IGSF5: variants seen among roughly 807,000 people sequenced by gnomAD.
The protein encoded by IGSF5 is immunoglobulin superfamily member 5, also known as immunoglobulin superfamily 5 like.
A neutral mutation model predicts 39.4 loss-of-function variants in IGSF5; 41 were observed. The ratio of observed to expected loss-of-function variants is 1.04; its 90% confidence interval spans 0.81 to 1.35. The LOEUF is 1.35. Ranked by LOEUF, IGSF5 falls within the 40% of genes most tolerant of loss-of-function variation. The pLI is 0.00. For missense variants in IGSF5, 487 were observed against 494.6 expected (o/e 0.98, Z 0.15); for synonymous variants, 183 against 175.3 (o/e 1.04, Z -0.34).
the IGSF5 span, among the ~76,000 whole-genome samples, chr21:39,718,042 A>G: frequency 6.6e-6 from 1 of 150,864 alleles, no homozygotes; most frequent in Non-Finnish European, 1.5e-5. Context: ...TATAATTCTC[A>G]TTGTAGAGAT....
In IGSF5 at chr21:39,765,682, C is replaced by T. The variant is rs2080083546; in HGVS notation, c.248C>T (p.Pro83Leu). 1 of 1,614,086 alleles carries T rather than the reference C, an allele frequency of 6.2e-7. No individual in the cohort carries two copies. The highest frequency in any genetic ancestry group is 1.1e-5 in the South Asian group (1 of 91,062). The change falls in exon 3 of 9, where the codon CCC becomes CTC. Residue 83 changes from proline (P) to leucine (L), a missense_variant. By Grantham distance (98) the Pro-to-Leu change is moderately conservative. Transcript: ENST00000380588. Reference protein sequence around the residue: ...LSDMVVLSVRPMEPIITNDRF... With the variant: ...LSDMVVLSVRLMEPIITNDRF... ...GACATGGTGGTGCTAAGCGTCAGGC[C>T]CATGGAGCCCATCATCACCAATGAC...
chr21:39,766,948 T>A (rs1315715145), intron 3 of IGSF5, among the ~76,000 whole-genome samples: 1 of 152,232 alleles, frequency 6.6e-6, no homozygotes, highest in Non-Finnish European at 1.5e-5. Flanking sequence ...CATGTCTACC[T>A]ATTTCTATTT....
the IGSF5 span, among the ~76,000 whole-genome samples, chr21:39,720,293 T>C: frequency 6.6e-6 from 1 of 152,166 alleles, no homozygotes; most frequent in Admixed American, 6.5e-5. Context: ...CAGGCAGTAA[T>C]GTGAGCAATG....
intron 4 of IGSF5, among the ~76,000 whole-genome samples, chr21:39,774,781 A>G (rs527743168): frequency 6.6e-6 from 1 of 152,344 alleles, no homozygotes; most frequent in African/African-American, 2.4e-5. Context: ...TGTGGAATGT[A>G]GTGATTCCTG....
the IGSF5 span, among the ~76,000 whole-genome samples, chr21:39,728,779 C>G: frequency 6.6e-6 from 1 of 151,988 alleles, no homozygotes. Flanking sequence ...TTTGGTGATA[C>G]AGTTAATCAT....
intron 5 of IGSF5, among the ~76,000 whole-genome samples, chr21:39,787,721 T>G (rs1008691743): frequency 3.5e-4 from 53 of 152,134 alleles, no homozygotes; most frequent in Non-Finnish European, 7.6e-4. Flanking sequence ...TTTTGAGTTA[T>G]TATAACAGTT....
intron 3 of IGSF5, among the ~76,000 whole-genome samples, chr21:39,770,686 G>T (rs1360599929): frequency 1.3e-5 from 2 of 151,800 alleles, no homozygotes; most frequent in Non-Finnish European, 2.9e-5. Flanking sequence ...TTGCTTTCTT[G>T]TGAGCAACCT....
At chr21:39,767,547 T>C (rs962751022) in intron 3 of IGSF5, among the ~76,000 whole-genome samples, 19 of 152,182 alleles carry the variant, frequency 1.2e-4, no homozygotes, top group Non-Finnish European at 2.4e-4. Context: ...TAGGTCTATG[T>C]AAAGCCTTTA....
chr21:39,720,565 A>T, the IGSF5 span, among the ~76,000 whole-genome samples: 1 of 152,204 alleles, frequency 6.6e-6, no homozygotes, highest in Non-Finnish European at 1.5e-5. Flanking sequence ...TACTGCTCAT[A>T]ACTGTCCTAG....
upstream of IGSF5, among the ~76,000 whole-genome samples, chr21:39,743,044 C>T (rs2079954774): frequency 6.6e-6 from 1 of 152,190 alleles, no homozygotes; most frequent in Admixed American, 6.5e-5. Context: ...GGATTTTCTT[C>T]CTTTCCCTAT....
chr21:39,713,752 G>A, the IGSF5 span, among the ~76,000 whole-genome samples: 1,883 of 152,304 alleles, frequency 0.012, 44 homozygotes, highest in African/African-American at 0.043. Flanking sequence ...AAAGGTGGGA[G>A]GTGTAAGGTG....
the IGSF5 span, among the ~76,000 whole-genome samples, chr21:39,735,725 A>G: frequency 6.6e-6 from 1 of 152,234 alleles, no homozygotes; most frequent in Non-Finnish European, 1.5e-5. Context: ...ATATGCCATC[A>G]TGGACGCTGA....
chr21:39,778,482 T>G (rs8134743), intron 4 of IGSF5, among the ~76,000 whole-genome samples: 151,340 of 152,246 alleles, frequency 0.99, 75,219 homozygotes, highest in Middle Eastern at 1. Flanking sequence ...AAAATAAGAG[T>G]GCAACATACA....
chr21:39,713,859 A>G, the IGSF5 span, among the ~76,000 whole-genome samples: 2 of 152,174 alleles, frequency 1.3e-5, no homozygotes, highest in Non-Finnish European at 2.9e-5. Flanking sequence ...CCTGATCTTC[A>G]TAGGGTTTCT....
upstream of IGSF5, among the ~76,000 whole-genome samples, chr21:39,741,101 CTTTG>C (rs1238190190): frequency 2.7e-5 from 4 of 149,834 alleles, no homozygotes; most frequent in Admixed American, 6.6e-5. Flanking sequence ...TTTTTTTTTT[CTTTG>C]TTTGTTTGTT....
At chr21:39,748,706 C>T (rs530396133) in intron 2 of IGSF5, among the ~76,000 whole-genome samples, 8 of 152,258 alleles carry the variant, frequency 5.3e-5, no homozygotes, top group African/African-American at 1.4e-4. Context: ...TTCGGGGGAA[C>T]ACAATTCCGT....
At chr21:39,739,199 G>A in the IGSF5 span, among the ~76,000 whole-genome samples, 1 of 151,542 alleles carries the variant, frequency 6.6e-6, no homozygotes, top group Non-Finnish European at 1.5e-5. Flanking sequence ...CAAAGTGCTG[G>A]GATTACAGTC....
At chr21:39,786,634 T>A (rs1362014238) in intron 5 of IGSF5, among the ~76,000 whole-genome samples, 1 of 150,962 alleles carries the variant, frequency 6.6e-6, no homozygotes, top group Non-Finnish European at 1.5e-5. Context: ...CTATAAATCA[T>A]GCTGCTATAA....
chr21:39,783,589 A>G (rs2080182509), intron 5 of IGSF5, among the ~76,000 whole-genome samples: 1 of 152,036 alleles, frequency 6.6e-6, no homozygotes, highest in African/African-American at 2.4e-5. Flanking sequence ...TGCTGTCGAG[A>G]TGTTTGAGTT....
Sources: allele counts gnomAD v4.1 joint callset (sites outside exome capture counted in the v4.1 genomes callset), GRCh38; gene constraint gnomAD v4.1.1; transcripts MANE v1.5; gene names NCBI Gene and HGNC (gene_info 2026-07-23, HGNC 2026-07-21).